The following SUGCT variants were observed in gnomAD, a reference collection of about 807,000 sequenced individuals.
SUGCT encodes succinyl-CoA:glutarate-CoA transferase.
Under a neutral mutation model 55.0 loss-of-function variants are expected in SUGCT, and 41 were observed. That is an observed-to-expected ratio of 0.74 (90% CI 0.58 to 0.97). The LOEUF is 0.97. Among genes scored for constraint, SUGCT ranks in the 50% least tolerant of loss-of-function variants. The probability of loss-of-function intolerance (pLI) is 0.00; values close to 1 mark genes in which losing one functional copy is unlikely to be tolerated. For synonymous variants in SUGCT, 187 were observed against 200.4 expected (o/e 0.93, Z 0.56); for missense variants, 568 against 547.8 (o/e 1.04, Z -0.37).
chr7:40,856,742 A>T (rs1242305883), intron 13 of SUGCT, among the ~76,000 whole-genome samples: 3 of 152,176 alleles, frequency 2.0e-5, no homozygotes, highest in Non-Finnish European at 4.4e-5. Flanking sequence ...ATAGGAAAAA[A>T]TTTTTAAAGT....
chr7:40,873,918 A>T, the SUGCT span, among the ~76,000 whole-genome samples: 2 of 152,218 alleles, frequency 1.3e-5, no homozygotes, highest in Non-Finnish European at 2.9e-5. Flanking sequence ...TGTGCTTAGG[A>T]AAATAATTTT....
intron 13 of SUGCT, among the ~76,000 whole-genome samples, chr7:40,774,033 C>T (rs370858415): frequency 6.6e-6 from 1 of 152,152 alleles, no homozygotes; most frequent in Non-Finnish European, 1.5e-5. Context: ...AGGGCAAATA[C>T]ACTACATCAA....
chr7:40,971,987 T>A, the SUGCT span, among the ~76,000 whole-genome samples: 1 of 152,322 alleles, frequency 6.6e-6, no homozygotes, highest in African/African-American at 2.4e-5. Context: ...TAAAACTCAT[T>A]TATTAGTCCA....
At chr7:40,441,046 G>C (rs542624379) in intron 9 of SUGCT, among the ~76,000 whole-genome samples, 82 of 151,930 alleles carry the variant, frequency 5.4e-4, no homozygotes, top group African/African-American at 1.9e-3. Context: ...TGTTTGATTA[G>C]TGTCTGCTAC....
intron 11 of SUGCT, among the ~76,000 whole-genome samples, chr7:40,490,506 G>A (rs541782367): frequency 2.6e-5 from 4 of 152,158 alleles, no homozygotes; most frequent in Non-Finnish European, 4.4e-5. Flanking sequence ...AGAAGTGACA[G>A]GGCCAGAGAA....
chr7:40,886,139 G>A, the SUGCT span, among the ~76,000 whole-genome samples: 1 of 152,128 alleles, frequency 6.6e-6, no homozygotes, highest in Admixed American at 6.5e-5. Context: ...ATAGTGCAAT[G>A]GCTAAAACAA....
the SUGCT span, among the ~76,000 whole-genome samples, chr7:40,959,883 T>C: frequency 6.6e-6 from 1 of 152,152 alleles, no homozygotes; most frequent in African/African-American, 2.4e-5. Flanking sequence ...GAGTGCACCA[T>C]TTCTCAAGGC....
At chr7:41,002,708 T>C in the SUGCT span, among the ~76,000 whole-genome samples, 2 of 152,246 alleles carry the variant, frequency 1.3e-5, no homozygotes, top group African/African-American at 4.8e-5. Context: ...CTGGCATGTA[T>C]TTAATGCTTA....
chr7:40,505,093 T>C (rs1358307875), intron 12 of SUGCT, among the ~76,000 whole-genome samples: 8 of 152,210 alleles, frequency 5.3e-5, no homozygotes, highest in Non-Finnish European at 1.2e-4. Context: ...TTGGTCCCTT[T>C]GTCTGTCTTA....
At chr7:40,557,370 A>T (rs1344137169) in intron 12 of SUGCT, among the ~76,000 whole-genome samples, 1 of 152,252 alleles carries the variant, frequency 6.6e-6, no homozygotes, top group East Asian at 1.9e-4. Flanking sequence ...AATCTTCACG[A>T]CAGTGGATTT....
the SUGCT span, among the ~76,000 whole-genome samples, chr7:40,991,227 G>T: frequency 7.9e-5 from 12 of 152,246 alleles, no homozygotes; most frequent in African/African-American, 2.6e-4. Context: ...GAATAGGGAG[G>T]CCTGAGGAGA....
At chr7:40,321,902 A>G (rs1795776050) in intron 9 of SUGCT, among the ~76,000 whole-genome samples, 1 of 152,194 alleles carries the variant, frequency 6.6e-6, no homozygotes. Context: ...TGTGAATGCA[A>G]GTATCTTTTT....
chr7:40,307,938 G>A (rs1210582438), intron 8 of SUGCT, among the ~76,000 whole-genome samples: 1 of 152,144 alleles, frequency 6.6e-6, no homozygotes, highest in Non-Finnish European at 1.5e-5. Flanking sequence ...CTCTTTCTGA[G>A]GCGAGGTCAA....
At chr7:40,860,072 C>A (rs1215339196) in intron 13 of SUGCT, among the ~76,000 whole-genome samples, 1 of 152,226 alleles carries the variant, frequency 6.6e-6, no homozygotes, top group Non-Finnish European at 1.5e-5. Context: ...TTAGCTTCAT[C>A]CATGCAGCCC....
chr7:40,246,667 G>A (rs1789902897), intron 7 of SUGCT, among the ~76,000 whole-genome samples: 2 of 149,774 alleles, frequency 1.3e-5, no homozygotes, highest in South Asian at 4.2e-4. Context: ...CATGATCTCC[G>A]CTCACTGCAA....
chr7:40,810,995 C>A (rs1170621118), intron 13 of SUGCT, among the ~76,000 whole-genome samples: 1 of 152,124 alleles, frequency 6.6e-6, no homozygotes, highest in African/African-American at 2.4e-5. Flanking sequence ...ACAACTATCC[C>A]AGTTCCAGGT....
At chr7:40,346,484 T>C (rs186447631) in intron 9 of SUGCT, among the ~76,000 whole-genome samples, 50 of 152,348 alleles carry the variant, frequency 3.3e-4, no homozygotes, top group African/African-American at 1.2e-3. Context: ...GGTTTGAATC[T>C]AGCCTTCACA....
intron 13 of SUGCT, among the ~76,000 whole-genome samples, chr7:40,819,972 C>T (rs1291387809): frequency 1.1e-4 from 17 of 152,124 alleles, no homozygotes; most frequent in Non-Finnish European, 2.9e-5. Context: ...CAGCTTTCTA[C>T]ATATGGCTAG....
chr7:40,250,166 G>C (rs1790268161), intron 7 of SUGCT, among the ~76,000 whole-genome samples: 1 of 152,146 alleles, frequency 6.6e-6, no homozygotes, highest in Admixed American at 6.6e-5. Context: ...GGAAGGTTGA[G>C]GCAGGAGGAT....
Sources: allele counts gnomAD v4.1 joint callset (sites outside exome capture counted in the v4.1 genomes callset), GRCh38; gene constraint gnomAD v4.1.1; transcripts MANE v1.5; gene names NCBI Gene and HGNC (gene_info 2026-07-23, HGNC 2026-07-21).